The following ARGFX variants were observed in gnomAD, a reference collection of about 807,000 sequenced individuals.
ARGFX encodes the protein arginine-fifty homeobox.
A neutral mutation model predicts 8.0 loss-of-function variants in ARGFX; 10 were observed. The ratio of observed to expected loss-of-function variants is 1.25; its 90% CI spans 0.77 to 2.12. ARGFX has a LOEUF of 2.12. Among genes scored for constraint, ARGFX ranks in the 30% most tolerant of loss-of-function variants. The pLI, the probability that ARGFX is intolerant of heterozygous loss-of-function variation, is 0.00. For missense variants in ARGFX, 282 were observed against 324.3 expected (o/e 0.87, Z 1.00); for synonymous variants, 116 against 117.8 (o/e 0.98, Z 0.10).
intron 3 of ARGFX, among the ~76,000 whole-genome samples, chr3:121,579,945 C>CTTTTTTTTTTTTTTTTTTTTT (rs1174620508): frequency 2.4e-4 from 22 of 91,580 alleles, no homozygotes; most frequent in African/African-American, 4.4e-4. Flanking sequence ...CTTTTCTTTT[C>CTTTTTTTTTTTTTTTTTTTTT]TTTTTTTTTT....
chr3:121,572,684 C>A (rs2048716011), intron 2 of ARGFX, among the ~76,000 whole-genome samples: 1 of 152,096 alleles, frequency 6.6e-6, no homozygotes, highest in South Asian at 2.1e-4. Flanking sequence ...CTCAAGGAAT[C>A]CCAAATAGCC....
At position 121,586,186 on chromosome 3, in the gene ARGFX, C is replaced by T. The variant is rs2108839597; in HGVS notation, c.534C>T (p.Ser178=). Residue 178 remains serine (S), a synonymous_variant, in exon 5 of 5, where the codon TCC becomes TCT. Coordinates refer to ENST00000334384, the MANE Select transcript of ARGFX (RefSeq NM_001012659.2). ...CTGTGATTTCAGATTTCTACAGCTCCCTTCCATCTCAGCCCTTAGACCCTT... is the reference window on the plus strand; with the variant it reads ...CTGTGATTTCAGATTTCTACAGCTCTCTTCCATCTCAGCCCTTAGACCCTT... ...FSPVISDFYS[S]LPSQPLDPSN... The T allele has an allele frequency of 5.0e-6, 8 of 1,614,102 alleles. No homozygotes were observed. The highest frequency in any genetic ancestry group is 6.8e-6 in the Non-Finnish European group (8 of 1,180,004).
At chr3:121,577,226 CATATATATAT>C (rs71133554) in intron 3 of ARGFX, among the ~76,000 whole-genome samples, 3 of 87,136 alleles carry the variant, frequency 3.4e-5, no homozygotes, top group African/African-American at 1.0e-4. Context: ...TCTACATGTA[CATATATATAT>C]ATATATATAT....
At chr3:121,574,329 C>T (rs1455630117) in intron 2 of ARGFX, among the ~76,000 whole-genome samples, 2 of 152,146 alleles carry the variant, frequency 1.3e-5, no homozygotes, top group Non-Finnish European at 2.9e-5. Context: ...AAGGACATTA[C>T]ATTTATTGCA....
At chr3:121,579,579 G>A (rs527850513) in intron 3 of ARGFX, among the ~76,000 whole-genome samples, 13 of 152,276 alleles carry the variant, frequency 8.5e-5, no homozygotes, top group Admixed American at 7.2e-4. Context: ...CTCTTCTCAG[G>A]GAGCCCACTT....
At chr3:121,574,207 T>G (rs1047499549) in intron 2 of ARGFX, among the ~76,000 whole-genome samples, 1 of 152,102 alleles carries the variant, frequency 6.6e-6, no homozygotes, top group African/African-American at 2.4e-5. Context: ...TATGAAAAGC[T>G]CTTTCCAGAA....
chr3:121,579,377 C>T (rs1045591961), intron 3 of ARGFX, among the ~76,000 whole-genome samples: 1 of 152,134 alleles, frequency 6.6e-6, no homozygotes, highest in South Asian at 2.1e-4. Context: ...TTCATTTTAG[C>T]CAAGGCTGAC....
At chr3:121,584,776 T>G in intron 3 of ARGFX, 141 bp from the exon 4 acceptor site, 1 of 968,364 alleles carries the variant, frequency 1.0e-6, no homozygotes, top group Non-Finnish European at 1.5e-6. Flanking sequence ...GGGATCTGCA[T>G]TTTCTGGATC....
At chr3:121,572,537 C>G (rs4485657) in intron 2 of ARGFX, among the ~76,000 whole-genome samples, 78,226 of 151,858 alleles carry the variant, frequency 0.52, 20,975 homozygotes, top group East Asian at 0.68. Flanking sequence ...TGAGCCACCA[C>G]TGCCCGGCCA....
At chr3:121,570,860 C>A in intron 2 of ARGFX, 44 bp downstream of exon 2, 1 of 1,308,870 alleles carries the variant, frequency 7.6e-7, no homozygotes, top group East Asian at 2.6e-5. Context: ...TCTACTGCCC[C>A]ATTCTCATGC....
In ARGFX at chr3:121,572,019, A is replaced by T. The variant is rs59949553; in HGVS notation, c.103+1203A>T. ...AATTTTTTTGTATTTTTAGTAGAGA[A>T]GGGGTTTCACCGTGTTAGCCAGGAT... On this transcript the variant is annotated intron_variant, in intron 2 of 4. Coordinates refer to ENST00000334384, the MANE Select transcript of ARGFX (RefSeq NM_001012659.2). 5.6e-4 allele frequency among the ~76,000 whole-genome samples: 84 copies of T among 150,694 alleles called. 2 individuals are homozygous for T. In the South Asian group the frequency reaches 0.017, roughly 31 times the overall value.
At chr3:121,574,672 T>C (rs67247313) in intron 2 of ARGFX, among the ~76,000 whole-genome samples, 42,409 of 152,168 alleles carry the variant, frequency 0.28, 6,340 homozygotes, top group East Asian at 0.62. Flanking sequence ...ACTCATTCGC[T>C]GCTCACCTCC....
chr3:121,577,251 A>T (rs1167138754), intron 3 of ARGFX, among the ~76,000 whole-genome samples: 5 of 53,148 alleles, frequency 9.4e-5, no homozygotes, highest in Admixed American at 6.2e-4. Context: ...ATATATATAT[A>T]TATATATATT....
chr3:121,575,634 T>C (rs1332827334), intron 2 of ARGFX, among the ~76,000 whole-genome samples: 1 of 151,836 alleles, frequency 6.6e-6, no homozygotes, highest in Non-Finnish European at 1.5e-5. Flanking sequence ...TGTGGCTAGG[T>C]TGGGCACAGT....
In ARGFX at chr3:121,586,062, A is replaced by G. The variant is rs2048810786; in HGVS notation, c.410A>G (p.Gln137Arg). 1 of 1,593,700 alleles carries G rather than the reference A, an allele frequency of 6.3e-7. No individual in the cohort carries two copies. The highest frequency in any genetic ancestry group is 8.5e-7 in the Non-Finnish European group (1 of 1,171,608). The change falls in exon 5 of 5, where the codon CAG becomes CGG. Residue 137 changes from glutamine (Q) to arginine (R), a missense_variant. By Grantham distance (43) the Gln-to-Arg change is conservative. Coordinates refer to ENST00000334384, the MANE Select transcript of ARGFX (RefSeq NM_001012659.2). The part of the protein sequence containing the change: ...RNRRFKLKKQ[Q>R]QQQSAKQRNQ... ...CGGCGATTCAAATTGAAGAAGCAGC[A>G]GCAGCAGCAATCAGCAAAGCAACGA... is the stretch of plus-strand genomic sequence containing the variant.
At chr3:121,578,089 A>G (rs2048755153) in intron 3 of ARGFX, among the ~76,000 whole-genome samples, 1 of 147,518 alleles carries the variant, frequency 6.8e-6, no homozygotes, top group Non-Finnish European at 1.5e-5. Context: ...CCTGGCCAAA[A>G]GTACGTACTC....
chr3:121,580,868 A>C (rs2048774846), intron 3 of ARGFX, among the ~76,000 whole-genome samples: 2 of 152,138 alleles, frequency 1.3e-5, no homozygotes, highest in Admixed American at 1.3e-4. Flanking sequence ...AAAAGCTAAA[A>C]ACACACACAA....
intron 3 of ARGFX, among the ~76,000 whole-genome samples, chr3:121,584,083 G>A (rs2048795986): frequency 6.6e-6 from 1 of 152,062 alleles, no homozygotes; most frequent in Admixed American, 6.6e-5. Context: ...GGAGGATGAA[G>A]CCAGAGGATT....
At chr3:121,581,148 A>G (rs1441133001) in intron 3 of ARGFX, among the ~76,000 whole-genome samples, 2 of 151,994 alleles carry the variant, frequency 1.3e-5, no homozygotes. Flanking sequence ...TTGTATTTTT[A>G]GTAAAGATGG....
Sources: gnomAD v4.1 joint callset for allele counts (sites outside exome capture counted in the v4.1 genomes callset) on GRCh38, gnomAD v4.1.1 for gene constraint, MANE v1.5 for transcripts, NCBI Gene and HGNC (gene_info 2026-07-23, HGNC 2026-07-21) for gene names.